GABRG3: variants seen among roughly 807,000 people sequenced by gnomAD.
GABRG3 encodes gamma-aminobutyric acid type A receptor subunit gamma3, also known as gamma-aminobutyric acid receptor subunit gamma-3.
GABRG3 carries 25 observed loss-of-function variants against 48.8 expected under a neutral mutation model. The observed-to-expected ratio is 0.51, with a 90% CI of 0.37 to 0.72. The LOEUF (loss-of-function observed/expected upper bound fraction) is 0.72, where lower values mean the gene tolerates loss of function less well. Among genes scored for constraint, GABRG3 ranks in the 30% least tolerant of loss-of-function variants. The probability of loss-of-function intolerance (pLI) is 0.00; values close to 1 mark genes in which losing one functional copy is unlikely to be tolerated. For synonymous variants in GABRG3, 227 were observed against 217.6 expected (o/e 1.04, Z -0.38); for missense variants, 394 against 577.9 (o/e 0.68, Z 3.26).
intron 3 of GABRG3, among the ~76,000 whole-genome samples, chr15:27,262,804 G>A (rs12915958): frequency 0.059 from 8,962 of 152,214 alleles, 353 homozygotes; most frequent in South Asian, 0.11. Flanking sequence ...GCCACTTTCC[G>A]CACAAAATAA....
intron 6 of GABRG3, among the ~76,000 whole-genome samples, chr15:27,484,557 A>G (rs151009438): frequency 2.5e-3 from 380 of 152,306 alleles, no homozygotes; most frequent in African/African-American, 8.7e-3. Flanking sequence ...GAGCAACAAC[A>G]CTGCAGGAGC....
At chr15:27,121,774 G>A (rs1192956821) in intron 3 of GABRG3, among the ~76,000 whole-genome samples, 1 of 152,164 alleles carries the variant, frequency 6.6e-6, no homozygotes. Flanking sequence ...GATCTGTTTG[G>A]CTAATAAAAA....
chr15:27,223,654 A>G (rs1013641045), intron 3 of GABRG3, among the ~76,000 whole-genome samples: 1 of 152,174 alleles, frequency 6.6e-6, no homozygotes, highest in Non-Finnish European at 1.5e-5. Context: ...TTAAAATACT[A>G]GATGTGCAGA....
intron 3 of GABRG3, among the ~76,000 whole-genome samples, chr15:27,234,449 C>T (rs1161541500): frequency 6.6e-6 from 1 of 152,182 alleles, no homozygotes; most frequent in Non-Finnish European, 1.5e-5. Context: ...CACTTCCTTG[C>T]TAAGGTTGCT....
rs1192264703 is a variant in GABRG3, at chr15:27,539,683, C to T, written c.*6802C>T. On this transcript the variant is annotated 3_prime_UTR_variant, in exon 10 of 10. Transcript: ENST00000615808. ...CACAGAGCAGCACTTCTGTCACTCT[C>T]ATGGGGAGATCAGGGTACCCACTCC... is the stretch of plus-strand genomic sequence containing the variant. 6.6e-6 allele frequency: 1 copy of T among 152,166 alleles called. No homozygotes were observed. The highest frequency in any genetic ancestry group is 1.5e-5 in the Non-Finnish European group (1 of 68,048). 9.4% of individuals were successfully genotyped at this position (152,166 alleles called of 1,614,324 possible).
chr15:27,344,957 A>G (rs773343277), intron 5 of GABRG3, among the ~76,000 whole-genome samples: 1 of 152,196 alleles, frequency 6.6e-6, no homozygotes, highest in African/African-American at 2.4e-5. Context: ...GCCACTATCT[A>G]TTCTTGACAA....
intron 3 of GABRG3, among the ~76,000 whole-genome samples, chr15:27,290,500 T>C (rs140336610): frequency 7.2e-5 from 11 of 152,296 alleles, no homozygotes; most frequent in African/African-American, 1.9e-4. Flanking sequence ...GGCTAAATCA[T>C]GGTGACCACT....
intron 3 of GABRG3, among the ~76,000 whole-genome samples, chr15:27,035,758 C>T (rs548756996): frequency 8.5e-5 from 13 of 152,274 alleles, no homozygotes; most frequent in Middle Eastern, 3.4e-3. Context: ...GTTATGGGCC[C>T]TATGGTGGGT....
intron 3 of GABRG3, among the ~76,000 whole-genome samples, chr15:27,061,001 A>G (rs72715946): frequency 0.019 from 2,821 of 152,226 alleles, 31 homozygotes; most frequent in Non-Finnish European, 0.03. Flanking sequence ...CCTCCCTACA[A>G]TTTTCCTGAG....
In GABRG3 at chr15:27,352,473, T is replaced by A. The variant is rs1271300913; in HGVS notation, c.574+23585T>A. Among the ~76,000 whole-genome samples, 1 of 151,970 alleles carries A rather than the reference T, an allele frequency of 6.6e-6. No individual in the cohort carries two copies. The highest frequency in any genetic ancestry group is 2.4e-5 in the African/African-American group (1 of 41,346). On this transcript the variant is annotated intron_variant, in intron 5 of 9. Transcript: ENST00000615808. This position sits in a 1 kb window ranked among gnomAD's most constrained non-coding sequence, Gnocchi z 4.0. ...CCAAGCAGATTGATAGTCTTCTAATTAGTACGAAAAAGATTCGAGAATTGG... is the reference window on the plus strand; with the variant it reads ...CCAAGCAGATTGATAGTCTTCTAATAAGTACGAAAAAGATTCGAGAATTGG...
At chr15:27,336,622 A>T (rs1177996351) in intron 5 of GABRG3, among the ~76,000 whole-genome samples, 2 of 152,218 alleles carry the variant, frequency 1.3e-5, no homozygotes, top group African/African-American at 2.4e-5. Context: ...TATAAAACTA[A>T]AACTGTACTT....
intron 3 of GABRG3, among the ~76,000 whole-genome samples, chr15:27,069,540 C>T (rs374136701): frequency 3.0e-4 from 46 of 152,304 alleles, no homozygotes; most frequent in East Asian, 2.1e-3. Flanking sequence ...TCCTCTCTTT[C>T]GCTGTGTGCA....
Position 27,490,227 on chromosome 15 carries a change from TAAAC to T in GABRG3, c.712+9441_712+9444del, listed in dbSNP as rs376308372. Among the ~76,000 whole-genome samples, 18 of 152,362 alleles carry T rather than the reference TAAAC, an allele frequency of 1.2e-4. 1 individual carries two copies. The highest frequency in any genetic ancestry group is 4.1e-4 in the African/African-American group (17 of 41,590). On this transcript the variant is annotated intron_variant, in intron 6 of 9. Transcript: ENST00000615808. ...TTTAGTTGGTTGATATTTATTTTTATAAACTCACACAGGCATGTAGCTTACCACA... is the reference window on the plus strand; with the variant it reads ...TTTAGTTGGTTGATATTTATTTTTATTCACACAGGCATGTAGCTTACCACA...
chr15:27,348,505 A>C (rs1320536388), intron 5 of GABRG3, among the ~76,000 whole-genome samples: 1 of 152,152 alleles, frequency 6.6e-6, no homozygotes. Flanking sequence ...TCAGATAGGG[A>C]TACTGAGGTT....
intron 5 of GABRG3, among the ~76,000 whole-genome samples, chr15:27,393,460 A>G (rs1226398642): frequency 6.6e-6 from 1 of 152,186 alleles, no homozygotes; most frequent in African/African-American, 2.4e-5. Flanking sequence ...AAAGCAGGAG[A>G]ATATATGTGT....
intron 5 of GABRG3, among the ~76,000 whole-genome samples, chr15:27,443,120 G>A (rs71465231): frequency 2.0e-5 from 3 of 152,122 alleles, no homozygotes; most frequent in African/African-American, 7.2e-5. Context: ...GTTAAAATGA[G>A]GTGATGAGCG....
chr15:27,162,789 TG>T (rs1448663497), intron 3 of GABRG3, among the ~76,000 whole-genome samples: 1 of 152,114 alleles, frequency 6.6e-6, no homozygotes, highest in Non-Finnish European at 1.5e-5. Flanking sequence ...CATTCACAGT[TG>T]GGATAAGGGA....
At chr15:27,147,457 A>T (rs1486149296) in intron 3 of GABRG3, among the ~76,000 whole-genome samples, 1 of 152,030 alleles carries the variant, frequency 6.6e-6, no homozygotes, top group African/African-American at 2.4e-5. Context: ...CTCTAAGACA[A>T]CTAGACCTAA....
intron 3 of GABRG3, among the ~76,000 whole-genome samples, chr15:27,254,846 G>A (rs1365885016): frequency 6.6e-6 from 1 of 151,624 alleles, no homozygotes; most frequent in South Asian, 2.1e-4. Flanking sequence ...AGGGAGCAGG[G>A]AGACAAATAG....
Sources: allele counts gnomAD v4.1 joint callset (sites outside exome capture counted in the v4.1 genomes callset), GRCh38; gene constraint gnomAD v4.1.1; non-coding constraint Gnocchi (gnomAD v3.1); transcripts MANE v1.5; gene names NCBI Gene and HGNC (gene_info 2026-07-23, HGNC 2026-07-21).